DHDDS: variants seen among roughly 807,000 people sequenced by gnomAD.
The protein encoded by DHDDS is dehydrodolichyl diphosphate synthase subunit, also known as dehydrodolichyl diphosphate synthase complex subunit DHDDS.
A neutral mutation model predicts 46.2 loss-of-function variants in DHDDS; 16 were observed. The ratio of observed to expected loss-of-function variants is 0.35; its 90% CI spans 0.23 to 0.53. The LOEUF (loss-of-function observed/expected upper bound fraction) is 0.53, where lower values mean the gene tolerates loss of function less well. DHDDS is among the 20% of genes least tolerant of loss of function. DHDDS has a pLI of 0.94. For synonymous variants in DHDDS, 151 were observed against 163.1 expected (o/e 0.93, Z 0.56); for missense variants, 340 against 423.7 (o/e 0.80, Z 1.73).
chr1:26,459,646 A>G (rs914972836), intron 7 of DHDDS, among the ~76,000 whole-genome samples: 7 of 152,220 alleles, frequency 4.6e-5, no homozygotes, highest in Admixed American at 2.0e-4. Context: ...AAAAATAACA[A>G]TGGCAGCTAC....
rs1266848362 is a variant in DHDDS, at chr1:26,469,695, C to G, written c.*564C>G. The stretch of plus-strand genomic sequence containing the variant: ...TGGGATTTGCTATTGAATCTCTACC[C>G]TCTCCCACCACACAGTACTGATTGC... On this transcript the variant is annotated 3_prime_UTR_variant, in exon 9 of 9. Coordinates refer to ENST00000236342, the MANE Select transcript of DHDDS (RefSeq NM_205861.3). The G allele has an allele frequency of 4.5e-6, 1 of 219,916 alleles. No homozygotes were observed. The highest frequency in any genetic ancestry group is 1.1e-4 in the East Asian group (1 of 9,416). The allele number at this position is 219,916 out of a possible 1,614,324, so 13.6% of individuals were successfully genotyped here.
chr1:26,469,120 G>T lies in DHDDS; in HGVS notation c.991G>T (p.Ala331Ser), dbSNP rs749055957. The T allele has an allele frequency of 6.2e-7, 1 of 1,611,936 alleles. No individual in the cohort carries two copies. ...RADWLARLGT[A>S]SA ...TGACTGGCTGGCCCGTCTGGGCACTGCATCAGCCTGAATGAGGCTGGCCAC... is the reference window on the plus strand; with the variant it reads ...TGACTGGCTGGCCCGTCTGGGCACTTCATCAGCCTGAATGAGGCTGGCCAC... The change falls in exon 9 of 9, where the codon GCA (alanine) becomes TCA (serine). Residue 331 changes from alanine (A) to serine (S), a missense_variant. This residue lies in a region of DHDDS where 268 missense variants were observed against 300.3 expected (regional missense o/e 0.89). Transcript: ENST00000236342.
intron 8 of DHDDS, among the ~76,000 whole-genome samples, chr1:26,465,924 C>T (rs1412258086): frequency 6.6e-6 from 1 of 152,180 alleles, no homozygotes; most frequent in Admixed American, 6.5e-5. Flanking sequence ...AAGGACTTTT[C>T]ATTGGCTAAT....
intron 8 of DHDDS, 84 bp from the exon 9 acceptor site, chr1:26,468,811 G>GCCCCCCCCCC: frequency 1.6e-6 from 1 of 637,982 alleles, no homozygotes; most frequent in Non-Finnish European, 2.6e-6. Context: ...CCCACCCTGT[G>GCCCCCCCCCC]CCCCACCCCC....
rs1553124038 is a variant in DHDDS, at chr1:26,469,069, C to G, written c.940C>G (p.Leu314Val). 2 of 1,613,666 alleles carry G rather than the reference C, an allele frequency of 1.2e-6. No individual in the cohort carries two copies. The highest frequency in any genetic ancestry group is 1.7e-6 in the Non-Finnish European group (2 of 1,180,022). The stretch of plus-strand genomic sequence containing the variant: ...ACGGGAAGAGCGAGTCCAAGGCTTC[C>G]TGCAGGCCTTGGAACTCAAGCGAGC... ...ARREERVQGF[L>V]QALELKRADW... The change falls in exon 9 of 9, where the codon CTG becomes GTG. Residue 314 changes from leucine to valine, a missense_variant. Transcript: ENST00000236342.
rs563807288 is a variant in DHDDS at position 26,464,325 on chromosome 1, CAT to C, written c.765+4182_765+4183del. Among the ~76,000 whole-genome samples, 982 of 151,366 alleles carry C rather than the reference CAT, an allele frequency of 6.5e-3. 3 individuals carry two copies. The highest frequency in any genetic ancestry group is 8.8e-3 in the Non-Finnish European group (599 of 68,018). On this transcript the variant is annotated intron_variant, in intron 8 of 8. Transcript: ENST00000236342. Reference sequence around the variant, plus strand: ...GCAAACTTTTATTGAGTTCTTACCACATGTCAGGCATCCTTCCAGTATTGAGT... The same window carrying C: ...GCAAACTTTTATTGAGTTCTTACCACGTCAGGCATCCTTCCAGTATTGAGT...
At chr1:26,441,819 G>C (rs1037720152) in intron 3 of DHDDS, among the ~76,000 whole-genome samples, 1 of 150,910 alleles carries the variant, frequency 6.6e-6, no homozygotes, top group Non-Finnish European at 1.5e-5. Context: ...TCACTTGAAC[G>C]TAGGAGGTGG....
chr1:26,458,006 G>A, intron 7 of DHDDS, 101 bp downstream of exon 7: 1 of 1,015,800 alleles, frequency 9.8e-7, no homozygotes, highest in South Asian at 1.3e-5. Context: ...AACAGGCTGG[G>A]GCCAGAGTAC....
rs1183204178 is a variant in DHDDS, at chr1:26,459,981, G to C, written c.658-56G>C. The C allele has an allele frequency of 2.8e-6, 4 of 1,427,832 alleles. No homozygotes were observed. In the African/African-American group the frequency reaches 5.6e-5, roughly 20 times the overall value. The allele number at this position is 1,427,832 out of a possible 1,614,324, so 88.4% of individuals were successfully genotyped here. On this transcript the variant is annotated intron_variant, in intron 7 of 8. Transcript: ENST00000236342. ...TGCTTTTTCCCTGGAGGACTGACCA[G>C]GGATGCGGCCCAGCAACATGTTACT...
At chr1:26,445,788 C>T (rs770267341) in intron 4 of DHDDS, among the ~76,000 whole-genome samples, 7 of 151,640 alleles carry the variant, frequency 4.6e-5, no homozygotes, top group South Asian at 4.2e-4. Context: ...CTTGGGAGGC[C>T]GAGACAGGCA....
At chr1:26,468,869 C>A in intron 8 of DHDDS, 26 bp from the exon 9 acceptor site, 1 of 1,613,250 alleles carries the variant, frequency 6.2e-7, no homozygotes, top group Non-Finnish European at 8.5e-7. Flanking sequence ...GATCTCCCCA[C>A]CCCAATCCCC....
intron 4 of DHDDS, among the ~76,000 whole-genome samples, chr1:26,446,106 G>A (rs1340513195): frequency 1.3e-5 from 2 of 152,222 alleles, no homozygotes; most frequent in East Asian, 1.9e-4. Context: ...ACCCTGGGCA[G>A]TCCCTATCTG....
chr1:26,465,748 G>A (rs1392818785), intron 8 of DHDDS, among the ~76,000 whole-genome samples: 1 of 152,146 alleles, frequency 6.6e-6, no homozygotes, highest in Middle Eastern at 3.2e-3. Context: ...CTCTGGAAAA[G>A]CACCCTGCAC....
intron 7 of DHDDS, 25 bp from the exon 8 acceptor site, chr1:26,460,012 A>T (rs747424286): frequency 5.2e-5 from 82 of 1,588,168 alleles, no homozygotes; most frequent in Non-Finnish European, 5.4e-5. Context: ...TTACTAAATC[A>T]TACTCTCCTC....
chr1:26,459,440 T>C (rs372804269), intron 7 of DHDDS, among the ~76,000 whole-genome samples: 4 of 152,244 alleles, frequency 2.6e-5, no homozygotes, highest in African/African-American at 9.6e-5. Flanking sequence ...GCTATGCATA[T>C]GTTATCTCAT....
At chr1:26,451,729 C>T (rs868225019) in intron 6 of DHDDS, among the ~76,000 whole-genome samples, 3 of 151,074 alleles carry the variant, frequency 2.0e-5, no homozygotes, top group African/African-American at 4.9e-5. Context: ...CCCGGGTTCA[C>T]GCCATTCTCC....
rs2075524191 is a variant in DHDDS at position 26,469,051 on chromosome 1, G to A, written c.922G>A (p.Glu308Lys). The A allele has an allele frequency of 6.2e-7, 1 of 1,613,912 alleles. No individual in the cohort carries two copies. The highest frequency in any genetic ancestry group is 1.1e-5 in the South Asian group (1 of 91,064). The change falls in exon 9 of 9, where the codon GAG (glutamate) becomes AAG (lysine). Residue 308 changes from glutamate (E) to lysine (K), a missense_variant. Physicochemically the swap from Glu to Lys is moderately conservative, Grantham distance 56 (BLOSUM62 1). Coordinates refer to ENST00000236342, the MANE Select transcript of DHDDS (RefSeq NM_205861.3). Reference protein sequence around the residue: ...RLHKLSARREERVQGFLQALE... With the variant: ...RLHKLSARREKRVQGFLQALE... The stretch of plus-strand genomic sequence containing the variant: ...GCACAAACTCTCGGCCAGACGGGAA[G>A]AGCGAGTCCAAGGCTTCCTGCAGGC...
Position 26,454,907 on chromosome 1 carries a change from A to C in DHDDS, c.543-2884A>C, listed in dbSNP as rs2075356621. The C allele has an allele frequency of 1.9e-6, 3 of 1,600,318 alleles. No homozygotes were observed. The Admixed American group carries it at 5.0e-5, about 27-fold the overall frequency. On this transcript the variant is annotated intron_variant, in intron 6 of 8. Transcript: ENST00000236342. The stretch of plus-strand genomic sequence containing the variant: ...AGCATTACTCTCTGCATTTTTAAGC[A>C]TGTGCAGCAAAAATTCAGCACTCTT...
rs567216044 is a variant in DHDDS, at chr1:26,446,277, A to G, written c.324-39A>G. Reference sequence around the variant, plus strand: ...AGCACCTTGCTCTCTCCAGCTCAGCAGGGGCCCTATCCCAATGCTGCCTCT... The same window carrying G: ...AGCACCTTGCTCTCTCCAGCTCAGCGGGGGCCCTATCCCAATGCTGCCTCT... On this transcript the variant is annotated intron_variant, in intron 4 of 8. Coordinates refer to ENST00000236342, the MANE Select transcript of DHDDS (RefSeq NM_205861.3). The G allele has an allele frequency of 5.0e-6, 8 of 1,598,138 alleles. No homozygotes were observed. The African/African-American group carries it at 9.4e-5, about 19-fold the overall frequency.
Sources: allele counts gnomAD v4.1 joint callset (sites outside exome capture counted in the v4.1 genomes callset), GRCh38; gene constraint gnomAD v4.1.1; regional missense constraint gnomAD v4.1.1; transcripts MANE v1.5; gene names NCBI Gene and HGNC (gene_info 2026-07-23, HGNC 2026-07-21).